Variants in DPP3 observed in about 807,000 individuals in gnomAD.
The protein encoded by DPP3 is DPP III.
In DPP3, 64 loss-of-function variants were observed where a neutral mutation model predicts 89.8. That is an observed-to-expected ratio of 0.71 (90% CI 0.58 to 0.88). The LOEUF (loss-of-function observed/expected upper bound fraction) is 0.88. Among genes scored for constraint, DPP3 ranks in the 40% least tolerant of loss-of-function variants. The pLI, the probability that DPP3 is intolerant of heterozygous loss-of-function variation, is 0.00. For synonymous variants in DPP3, 377 were observed against 404.3 expected, an observed-to-expected ratio of 0.93 and a Z score of 0.81; for missense variants, 835 against 972.5, an observed-to-expected ratio of 0.86 and a Z score of 1.88.
rs200618539 is a variant in DPP3 at position 66,491,362 on chromosome 11, G to A, written c.777G>A (p.Val259=). The change falls in exon 7 of 18, where the codon GTG becomes GTA. Residue 259 remains valine (V), a synonymous_variant. Transcript: ENST00000531863. ...GDYAPILQKV[V]EQLEKAKAYA... is the part of the protein sequence containing the mutation. ...ACGCGCCCATCCTCCAGAAGGTGGT[G>A]GAGCAGCTGGAGAAAGCCAAGGTTG... 5 of 1,613,684 alleles carry A rather than the reference G, an allele frequency of 3.1e-6. No individual in the cohort carries two copies. The South Asian group carries it at 3.3e-5, about 11-fold the overall frequency.
At chr11:66,498,681 A>G (rs1855604050) in intron 16 of DPP3, among the ~76,000 whole-genome samples, 1 of 152,222 alleles carries the variant, frequency 6.6e-6, no homozygotes, top group Non-Finnish European at 1.5e-5. Flanking sequence ...TATATGGCTG[A>G]GTGATGCTGA....
chr11:66,498,810 C>T (rs1213956277), intron 16 of DPP3, among the ~76,000 whole-genome samples: 1 of 151,954 alleles, frequency 6.6e-6, no homozygotes, highest in Non-Finnish European at 1.5e-5. Context: ...TCTAGGAGTT[C>T]AAGACCAGCC....
intron 16 of DPP3, among the ~76,000 whole-genome samples, chr11:66,502,881 G>T (rs1336637732): frequency 6.6e-6 from 1 of 152,168 alleles, no homozygotes; most frequent in African/African-American, 2.4e-5. Context: ...TTACAGGCAT[G>T]AGCCACCCGC....
rs552553252 is a variant in DPP3 at position 66,491,767 on chromosome 11, CAG to C, written c.988+12_988+13del. On this transcript the variant is annotated intron_variant, in intron 9 of 17. Transcript: ENST00000531863. Reference sequence around the variant, plus strand: ...GAGGAGAATTTGAAGGTAACTTCCTCAGGGAGGAGGTCAGTCACAGTCCCTTC... The same window carrying C: ...GAGGAGAATTTGAAGGTAACTTCCTCGGAGGAGGTCAGTCACAGTCCCTTC... 277 of 1,613,800 alleles carry C rather than the reference CAG, an allele frequency of 1.7e-4. 1 individual carries two copies. In the African/African-American group the frequency reaches 3.4e-3, roughly 20 times the overall value.
At chr11:66,486,798 A>ATGC in intron 4 of DPP3, 121 bp downstream of exon 4, 1 of 1,226,338 alleles carries the variant, frequency 8.2e-7, no homozygotes, top group Non-Finnish European at 1.1e-6. Context: ...TCCTGAGGCA[A>ATGC]TGCTGCTCCC....
At chr11:66,485,902 C>T (rs1043642449) in intron 3 of DPP3, among the ~76,000 whole-genome samples, 6 of 150,098 alleles carry the variant, frequency 4.0e-5, no homozygotes, top group African/African-American at 9.9e-5. Flanking sequence ...TGCAGCACCA[C>T]ACCAGCTAAA....
chr11:66,504,658 A>G lies in DPP3; in HGVS notation c.1925A>G (p.Glu642Gly). The part of the protein sequence containing the change: ...GDVAGGRALY[E>G]GYATVTDAPP... Reference sequence around the variant, plus strand: ...GTGGCCGGAGGGCGGGCCCTGTACGAGGGGTATGCAACAGTCACTGATGCG... The same window carrying G: ...GTGGCCGGAGGGCGGGCCCTGTACGGGGGGTATGCAACAGTCACTGATGCG... Residue 642 changes from glutamate to glycine, a missense_variant, in exon 17 of 18, where the codon GAG becomes GGG. Transcript: ENST00000531863. 2 of 1,613,344 alleles carry G rather than the reference A, an allele frequency of 1.2e-6. No homozygotes were observed. The highest frequency in any genetic ancestry group is 2.2e-5 in the South Asian group (2 of 90,990).
Position 66,509,108 on chromosome 11 carries a change from G to T in DPP3, c.2071G>T (p.Ala691Ser). The change falls in exon 18 of 18, where the codon GCG (alanine) becomes TCG (serine). Residue 691 changes from alanine to serine, a missense_variant. Coordinates refer to ENST00000531863, the MANE Select transcript of DPP3 (RefSeq NM_130443.4). ...AGACGTGCAGCTTCTGGAATACGAG[G>T]CGTCAGCTGCTGGCCTCATCCGATC... The part of the protein sequence containing the change: ...GSDVQLLEYE[A>S]SAAGLIRSFS... 6.2e-7 allele frequency: 1 copy of T among 1,614,094 alleles called. No individual in the cohort carries two copies.
chr11:66,495,092 C>A, intron 12 of DPP3, 114 bp from the exon 13 acceptor site: 1 of 1,490,950 alleles, frequency 6.7e-7, no homozygotes, highest in Non-Finnish European at 9.3e-7. Context: ...TCCCGCCGCC[C>A]GCTCCTGCGC....
rs199731948 is a variant in DPP3 at position 66,490,772 on chromosome 11, G to T, written c.668-481G>T. ...GGTTTTGTTTTGTTTTTTTTGTTTT[G>T]TTTTTTTTTTTTTTGAGATGGAGTC... On this transcript the variant is annotated intron_variant, in intron 6 of 17. Transcript: ENST00000531863. Among the ~76,000 whole-genome samples, 902 of 131,842 alleles carry T rather than the reference G, an allele frequency of 6.8e-3. 45 individuals carry two copies. The East Asian group carries it at 0.13, about 18-fold the overall frequency. 86.5% of individuals were successfully genotyped at this position (131,842 alleles called of 152,430 possible).
chr11:66,484,184 G>C (rs1186280933), intron 2 of DPP3, among the ~76,000 whole-genome samples: 2 of 152,046 alleles, frequency 1.3e-5, no homozygotes, highest in African/African-American at 4.8e-5. Flanking sequence ...CACCATGTTG[G>C]CCAGGATGGT....
rs573017094 is a variant in DPP3, at chr11:66,508,510, CTTT to C, written c.2042-567_2042-565del. On this transcript the variant is annotated intron_variant, in intron 17 of 17. Coordinates refer to ENST00000531863, the MANE Select transcript of DPP3 (RefSeq NM_130443.4). ...TTTCACCTAGTGTGGCACCTGGTGTCTTTTATTATTTATTTATTTATTTATTTA... is the reference window on the plus strand; with the variant it reads ...TTTCACCTAGTGTGGCACCTGGTGTCTATTATTTATTTATTTATTTATTTA... 1.6e-3 allele frequency among the ~76,000 whole-genome samples: 239 copies of C among 152,076 alleles called. 2 individuals are homozygous for C. Among genetic ancestry groups the C allele is most frequent in the Non-Finnish European group, 2.5e-4 (17 of 67,988 alleles).
At chr11:66,497,830 G>T (rs1356261207) in intron 16 of DPP3, among the ~76,000 whole-genome samples, 1 of 151,586 alleles carries the variant, frequency 6.6e-6, no homozygotes, top group Non-Finnish European at 1.5e-5. Context: ...GGTCGAGGCT[G>T]CAGTAAGCCA....
Position 66,487,879 on chromosome 11 carries a change from A to T in DPP3, c.574-35A>T, listed in dbSNP as rs765476426. The T allele has an allele frequency of 1.7e-5, 27 of 1,602,406 alleles. No homozygotes were observed. The Middle Eastern group carries it at 8.3e-4, about 49-fold the overall frequency. On this transcript the variant is annotated intron_variant, in intron 5 of 17. Transcript: ENST00000531863. ...CCTCCCACCCCACTGCCCTCTCCAG[A>T]CTTCACTCTTAACCCCTGTCCTGGT...
intron 16 of DPP3, among the ~76,000 whole-genome samples, chr11:66,498,814 A>G (rs1855607494): frequency 6.6e-6 from 1 of 152,064 alleles, no homozygotes; most frequent in Non-Finnish European, 1.5e-5. Flanking sequence ...GGAGTTCAAG[A>G]CCAGCCTGGG....
Position 66,493,195 on chromosome 11 carries a change from C to A in DPP3, c.1296+16C>A. On this transcript the variant is annotated intron_variant, in intron 11 of 17. Coordinates refer to ENST00000531863, the MANE Select transcript of DPP3 (RefSeq NM_130443.4). Reference sequence around the variant, plus strand: ...GGATGACAAGGTGGGCGCCAGCAGTCGGAGGGTCGGGGCTGGGCCTCACCT... The same window carrying A: ...GGATGACAAGGTGGGCGCCAGCAGTAGGAGGGTCGGGGCTGGGCCTCACCT... The A allele has an allele frequency of 6.2e-7, 1 of 1,608,152 alleles. No homozygotes were observed. Among genetic ancestry groups the A allele is most frequent in the South Asian group, 1.1e-5 (1 of 90,466 alleles).
chr11:66,486,684 C>A lies in DPP3; in HGVS notation c.498+7C>A. 4 of 1,497,612 alleles carry A rather than the reference C, an allele frequency of 2.7e-6. No individual in the cohort carries two copies. Among genetic ancestry groups the A allele is most frequent in the South Asian group, 1.4e-5 (1 of 73,704 alleles). 92.8% of individuals were successfully genotyped at this position (1,497,612 alleles called of 1,614,324 possible). ...CCTCGGACTGGGGAAGGAGGTGAGGCCCCTGACTCCCCCGAGGGGACAGGG... is the reference window on the plus strand; with the variant it reads ...CCTCGGACTGGGGAAGGAGGTGAGGACCCTGACTCCCCCGAGGGGACAGGG... On this transcript the variant is annotated splice_region_variant and intron_variant, in intron 4 of 17. Transcript: ENST00000531863.
At position 66,480,827 on chromosome 11, in the gene DPP3, C is replaced by A. The variant is rs145374176; in HGVS notation, c.-9+362C>A. On this transcript the variant is annotated intron_variant, in intron 1 of 17. Transcript: ENST00000531863. ...TGTTGCCCTTTCCAAGCCTCAGTTT[C>A]CCTATCTGTAAAATGGGCTTTCTTC... 24 of 220,232 alleles carry A rather than the reference C, an allele frequency of 1.1e-4. No homozygotes were observed. The East Asian group carries it at 2.1e-3, about 19-fold the overall frequency. The allele number at this position is 220,232 out of a possible 1,614,324, so 13.6% of individuals were successfully genotyped here.
intron 9 of DPP3, among the ~76,000 whole-genome samples, chr11:66,492,095 C>T (rs1014913316): frequency 1.3e-5 from 2 of 152,170 alleles, no homozygotes; most frequent in African/African-American, 2.4e-5. Context: ...CTCCAGGTAG[C>T]CATGTGCCTC....
Sources: allele counts gnomAD v4.1 joint callset (sites outside exome capture counted in the v4.1 genomes callset), GRCh38; gene constraint gnomAD v4.1.1; transcripts MANE v1.5; gene names NCBI Gene and HGNC (gene_info 2026-07-23, HGNC 2026-07-21).